KLHDC4: variants seen among roughly 807,000 people sequenced by gnomAD.
The protein encoded by KLHDC4 is kelch domain containing 4, also known as kelch domain-containing protein 4.
Under a neutral mutation model 62.4 loss-of-function variants are expected in KLHDC4, and 90 were observed. The observed-to-expected ratio is 1.44, with a 90% CI of 1.22 to 1.72. KLHDC4 has a LOEUF of 1.72. KLHDC4 is among the 40% of genes most tolerant of loss of function. The pLI, the probability that KLHDC4 is intolerant of heterozygous loss-of-function variation, is 0.00. For missense variants in KLHDC4, 1,025 were observed against 699.7 expected (o/e 1.47, Z -5.25); for synonymous variants, 386 against 284.4 (o/e 1.36, Z -3.59).
At chr16:87,723,589 T>C (rs1475556970) in intron 7 of KLHDC4, among the ~76,000 whole-genome samples, 1 of 152,232 alleles carries the variant, frequency 6.6e-6, no homozygotes, top group Non-Finnish European at 1.5e-5. Context: ...GCCTGACCGA[T>C]GCCAGCCACT....
chr16:87,762,477 G>A (rs2046032729), intron 1 of KLHDC4, among the ~76,000 whole-genome samples: 2 of 152,098 alleles, frequency 1.3e-5, no homozygotes, highest in African/African-American at 2.4e-5. Context: ...GCACCTCTCA[G>A]AGCCCAGGCC....
intron 5 of KLHDC4, among the ~76,000 whole-genome samples, chr16:87,743,536 C>T (rs562211056): frequency 1.3e-5 from 2 of 151,934 alleles, no homozygotes; most frequent in African/African-American, 2.4e-5. Flanking sequence ...GTCAGGAGAT[C>T]GAGACCATCC....
At chr16:87,746,361 G>C in intron 5 of KLHDC4, among the ~76,000 whole-genome samples, 1 of 151,836 alleles carries the variant, frequency 6.6e-6, no homozygotes, top group African/African-American at 2.4e-5. Flanking sequence ...AAGAGAGAAA[G>C]AGAGAGAGAG....
Position 87,765,791 on chromosome 16 carries a change from C to T in KLHDC4, c.99+1G>A. On this transcript the variant is annotated splice_donor_variant, in intron 1 of 11. Coordinates refer to ENST00000270583, the MANE Select transcript of KLHDC4 (RefSeq NM_017566.4). LOFTEE classifies it high-confidence loss of function. The stretch of plus-strand genomic sequence containing the variant: ...CGCTAAGCCCGGTCTGACCCGCTCA[C>T]CTCCTCCTTCCGCGAGCGCTTAGAC... The T allele has an allele frequency of 6.4e-7, 1 of 1,570,634 alleles. No individual in the cohort carries two copies. Among genetic ancestry groups the T allele is most frequent in the Non-Finnish European group, 8.6e-7 (1 of 1,157,860 alleles).
In KLHDC4 at chr16:87,743,961, C is replaced by G. The variant is rs369163041; in HGVS notation, c.506+4712G>C. ...GATTTATCAGCAAACGCAATCCAGT[C>G]AAAATCCTTCTGGACTTTTAACATT... On this transcript the variant is annotated intron_variant, in intron 5 of 11. Coordinates refer to ENST00000270583, the MANE Select transcript of KLHDC4 (RefSeq NM_017566.4). Among the ~76,000 whole-genome samples the G allele has an allele frequency of 2.5e-4, 38 of 151,670 alleles. No individual in the cohort carries two copies. In the South Asian group the frequency reaches 7.9e-3, roughly 32 times the overall value.
At chr16:87,731,404 C>T (rs1192497916) in intron 5 of KLHDC4, among the ~76,000 whole-genome samples, 1 of 151,308 alleles carries the variant, frequency 6.6e-6, no homozygotes, top group East Asian at 1.9e-4. Flanking sequence ...GATAAATGAC[C>T]CAATAAAAAT....
chr16:87,757,481 A>T (rs1332716065), intron 2 of KLHDC4: 1 of 151,992 alleles, frequency 6.6e-6, no homozygotes. Context: ...AAAAAAAAAA[A>T]AGTCCATATG....
intron 2 of KLHDC4, among the ~76,000 whole-genome samples, chr16:87,761,430 A>G (rs1159987012): frequency 6.6e-6 from 1 of 152,234 alleles, no homozygotes; most frequent in Non-Finnish European, 1.5e-5. Context: ...TGAGGGAAAT[A>G]AACCATTTCT....
intron 4 of KLHDC4, 78 bp from the exon 5 acceptor site, chr16:87,748,887 A>G: frequency 1.3e-6 from 2 of 1,566,554 alleles, no homozygotes; most frequent in Non-Finnish European, 1.7e-6. Context: ...GGTAGTGGTG[A>G]GCGCTTCAGT....
chr16:87,743,646 A>T (rs2042581147), intron 5 of KLHDC4, among the ~76,000 whole-genome samples: 1 of 151,442 alleles, frequency 6.6e-6, no homozygotes, highest in African/African-American at 2.4e-5. Context: ...AGGCTGAGGC[A>T]AGATAATGGC....
chr16:87,724,934 C>T (rs953971958), intron 7 of KLHDC4, among the ~76,000 whole-genome samples: 1 of 152,224 alleles, frequency 6.6e-6, no homozygotes, highest in Admixed American at 6.5e-5. Flanking sequence ...GCTGTGTCTT[C>T]TGAAGAACGG....
intron 7 of KLHDC4, among the ~76,000 whole-genome samples, chr16:87,724,995 C>A (rs945718169): frequency 1.3e-5 from 2 of 152,194 alleles, no homozygotes; most frequent in Non-Finnish European, 2.9e-5. Context: ...GTGGGACAGT[C>A]ATATAATGGA....
At chr16:87,736,681 T>A (rs1452751359) in intron 5 of KLHDC4, among the ~76,000 whole-genome samples, 1 of 152,186 alleles carries the variant, frequency 6.6e-6, no homozygotes, top group Non-Finnish European at 1.5e-5. Context: ...TCAGGCAACT[T>A]ATAAACCACA....
At chr16:87,742,095 A>G (rs566843767) in intron 5 of KLHDC4, among the ~76,000 whole-genome samples, 168 of 149,684 alleles carry the variant, frequency 1.1e-3, no homozygotes, top group African/African-American at 3.9e-3. Context: ...GATCAATTTA[A>G]AAAAAAAAAT....
intron 10 of KLHDC4, 80 bp downstream of exon 10, chr16:87,709,185 A>G: frequency 3.3e-6 from 5 of 1,520,622 alleles, no homozygotes; most frequent in Non-Finnish European, 4.4e-6. Context: ...GGCAGCTTGC[A>G]GGGCTTGCTT....
downstream of KLHDC4, among the ~76,000 whole-genome samples, chr16:87,706,272 C>T (rs1423657437): frequency 4.1e-4 from 17 of 41,290 alleles, no homozygotes; most frequent in Non-Finnish European, 7.2e-4. Context: ...TTGAGGGGGT[C>T]GGTGGCGGGG....
chr16:87,735,625 T>C lies in KLHDC4; in HGVS notation c.507-4981A>G, dbSNP rs369470518. Among the ~76,000 whole-genome samples the C allele has an allele frequency of 3.3e-5, 5 of 152,372 alleles. No individual in the cohort carries two copies. In the South Asian group the frequency reaches 1.0e-3, roughly 32 times the overall value. Reference sequence around the variant, plus strand: ...AAGGGGAAAATTTTCTATAAAAAGATTCCACGTCCCTCTTTAGAAAAATAA... The same window carrying C: ...AAGGGGAAAATTTTCTATAAAAAGACTCCACGTCCCTCTTTAGAAAAATAA... On this transcript the variant is annotated intron_variant, in intron 5 of 11. Coordinates refer to ENST00000270583, the MANE Select transcript of KLHDC4 (RefSeq NM_017566.4).
At chr16:87,703,771 T>C (rs916110630), downstream of KLHDC4, among the ~76,000 whole-genome samples, 2 of 152,200 alleles carry the variant, frequency 1.3e-5, no homozygotes, top group African/African-American at 2.4e-5. Context: ...CCCTTGGCCA[T>C]GACAGTGTGT....
At chr16:87,710,254 C>T (rs7184262) in intron 9 of KLHDC4, 11,537 of 154,344 alleles carry the variant, frequency 0.075, 1,505 homozygotes, top group African/African-American at 0.26. Flanking sequence ...CTGGCTGCGT[C>T]GCAGGGGTCA....
Sources: allele counts gnomAD v4.1 joint callset (sites outside exome capture counted in the v4.1 genomes callset), GRCh38; gene constraint gnomAD v4.1.1; transcripts MANE v1.5; gene names NCBI Gene and HGNC (gene_info 2026-07-23, HGNC 2026-07-21).